The following ALMS1 variants were observed in gnomAD, a reference collection of about 807,000 sequenced individuals.
The protein encoded by ALMS1 is ALMS1 centrosome and basal body associated protein, also known as centrosome-associated protein ALMS1.
A neutral mutation model predicts 352.2 loss-of-function variants in ALMS1; 271 were observed. That is an observed-to-expected ratio of 0.77 (90% CI 0.70 to 0.85). The LOEUF (loss-of-function observed/expected upper bound fraction) is 0.85, where lower values mean the gene tolerates loss of function less well. ALMS1 is among the 40% of genes least tolerant of loss of function. ALMS1 has a pLI of 0.00. For synonymous variants in ALMS1, 1,865 were observed against 1,761.2 expected (o/e 1.06, Z -1.48); for missense variants, 5,445 against 4,870.7 (o/e 1.12, Z -3.51).
intron 11 of ALMS1, among the ~76,000 whole-genome samples, chr2:73,523,728 G>T (rs1030004448): frequency 6.6e-6 from 1 of 151,864 alleles, no homozygotes; most frequent in Non-Finnish European, 1.5e-5. Context: ...GATCGTGCCA[G>T]TGCACTCCAG....
chr2:73,529,363 T>G (rs531987188), intron 11 of ALMS1, among the ~76,000 whole-genome samples: 2 of 152,314 alleles, frequency 1.3e-5, no homozygotes, highest in African/African-American at 4.8e-5. Context: ...ATTTTTGAAT[T>G]CTTTGTCTGA....
intron 16 of ALMS1, among the ~76,000 whole-genome samples, chr2:73,581,752 CTTT>C (rs1338369570): frequency 1.4e-5 from 2 of 143,074 alleles, no homozygotes. Flanking sequence ...ATTATTTTTT[CTTT>C]TTTTTTTTTT....
chr2:73,441,373 G>C (rs1020826910), intron 7 of ALMS1, among the ~76,000 whole-genome samples: 8 of 152,164 alleles, frequency 5.3e-5, no homozygotes, highest in African/African-American at 1.9e-4. Context: ...GTCTTCTTTT[G>C]TTACTGGCTA....
At chr2:73,551,586 C>T (rs1218257858) in intron 13 of ALMS1, among the ~76,000 whole-genome samples, 2 of 151,818 alleles carry the variant, frequency 1.3e-5, no homozygotes, top group African/African-American at 2.4e-5. Context: ...AGGCACCCGC[C>T]TCCACACCCA....
chr2:73,606,071 C>T (rs1208975744), intron 21 of ALMS1, among the ~76,000 whole-genome samples: 1 of 152,076 alleles, frequency 6.6e-6, no homozygotes, highest in Admixed American at 6.6e-5. Context: ...TTCCATTAAA[C>T]CAGACATTAA....
chr2:73,508,180 T>A (rs1673375313), intron 10 of ALMS1, among the ~76,000 whole-genome samples: 1 of 149,896 alleles, frequency 6.7e-6, no homozygotes, highest in African/African-American at 2.5e-5. Context: ...TTCTTTTCTT[T>A]CCACCCTGCC....
intron 5 of ALMS1, among the ~76,000 whole-genome samples, chr2:73,426,018 T>C (rs1671371515): frequency 6.6e-6 from 1 of 152,228 alleles, no homozygotes; most frequent in African/African-American, 2.4e-5. Flanking sequence ...ATATAGGCAA[T>C]GAACCATTTC....
intron 9 of ALMS1, among the ~76,000 whole-genome samples, chr2:73,462,141 G>C (rs1289864711): frequency 1.3e-5 from 2 of 152,014 alleles, no homozygotes; most frequent in African/African-American, 4.8e-5. Context: ...GCAACTCCAA[G>C]ACACATTAAT....
At chr2:73,474,987 G>T (rs1342641974) in intron 9 of ALMS1, among the ~76,000 whole-genome samples, 1 of 152,102 alleles carries the variant, frequency 6.6e-6, no homozygotes. Flanking sequence ...TATATAAACA[G>T]AATTGTAATG....
Position 73,449,542 on chromosome 2 carries a change from T to TA in ALMS1, c.3016dup (p.Arg1006LysfsTer15), listed in dbSNP as rs878854998. On this transcript the variant is annotated frameshift_variant, in exon 8 of 23. Transcript: ENST00000613296. LOFTEE classifies it high-confidence loss of function. ...CAGTACCTTCAGGTTCCTTCTCACATAGAGAGAAGCCCAGTATTTTCTATC... is the reference window on the plus strand; with the variant it reads ...CAGTACCTTCAGGTTCCTTCTCACATAAGAGAGAAGCCCAGTATTTTCTATC... The TA allele has an allele frequency of 2.3e-5, 37 of 1,613,688 alleles. No homozygotes were observed. The highest frequency in any genetic ancestry group is 3.1e-5 in the Non-Finnish European group (37 of 1,179,868).
In ALMS1 at chr2:73,452,691, AT is replaced by A. The variant is rs1281013806; in HGVS notation, c.6165del (p.Asn2055LysfsTer18). On this transcript the variant is annotated frameshift_variant, in exon 8 of 23. Transcript: ENST00000613296. LOFTEE classifies it high-confidence loss of function. ...TCCTATTCTCAAACAGTAAAGCCCA[AT>A]ATTTTATTTCAACAGCAGTTGCCAG... ...HSSYSQTVKP[N>X]ILFQQQLPDR... 6.2e-7 allele frequency: 1 copy of A among 1,613,756 alleles called. No homozygotes were observed. Among genetic ancestry groups the A allele is most frequent in the African/African-American group, 1.3e-5 (1 of 74,920 alleles).
intron 15 of ALMS1, among the ~76,000 whole-genome samples, chr2:73,563,482 G>A (rs1008627092): frequency 6.6e-6 from 1 of 152,196 alleles, no homozygotes; most frequent in South Asian, 2.1e-4. Context: ...CAACACTTTG[G>A]GAGGCTGAGG....
At chr2:73,547,495 G>C (rs1201430344) in intron 12 of ALMS1, among the ~76,000 whole-genome samples, 3 of 152,104 alleles carry the variant, frequency 2.0e-5, no homozygotes, top group Non-Finnish European at 2.9e-5. Context: ...TGGATTGTAT[G>C]GCATTTAGTA....
chr2:73,591,872 A>G (rs181083438), intron 16 of ALMS1, among the ~76,000 whole-genome samples: 3 of 152,344 alleles, frequency 2.0e-5, no homozygotes, highest in African/African-American at 4.8e-5. Flanking sequence ...ACCCTCTACA[A>G]AATTGTATGA....
intron 17 of ALMS1, among the ~76,000 whole-genome samples, chr2:73,600,122 A>G (rs1317584061): frequency 6.6e-6 from 1 of 152,258 alleles, no homozygotes; most frequent in East Asian, 1.9e-4. Context: ...TTTTTTTAAT[A>G]AAAGAAAGAA....
chr2:73,439,345 C>A (rs573622994), intron 7 of ALMS1, among the ~76,000 whole-genome samples: 31 of 151,908 alleles, frequency 2.0e-4, no homozygotes, highest in Non-Finnish European at 3.8e-4. Flanking sequence ...CAGCTCCTGG[C>A]CTTTCAAAGC....
At chr2:73,602,887 T>G (rs1675730009) in intron 20 of ALMS1, among the ~76,000 whole-genome samples, 1 of 152,170 alleles carries the variant, frequency 6.6e-6, no homozygotes, top group African/African-American at 2.4e-5. Context: ...TGAACCCAGG[T>G]GTGCTCCTCT....
At chr2:73,412,542 C>G (rs1671099764) in intron 2 of ALMS1, among the ~76,000 whole-genome samples, 1 of 152,162 alleles carries the variant, frequency 6.6e-6, no homozygotes, top group African/African-American at 2.4e-5. Context: ...GTAATCCCAG[C>G]ACTTTGGGAG....
intron 10 of ALMS1, among the ~76,000 whole-genome samples, chr2:73,509,778 T>G (rs943019146): frequency 3.9e-5 from 6 of 152,238 alleles, no homozygotes; most frequent in African/African-American, 1.4e-4. Flanking sequence ...TGGTGTTCTC[T>G]GTATTTCTTG....
Sources: allele counts gnomAD v4.1 joint callset (sites outside exome capture counted in the v4.1 genomes callset), GRCh38; gene constraint gnomAD v4.1.1; transcripts MANE v1.5; gene names NCBI Gene and HGNC (gene_info 2026-07-23, HGNC 2026-07-21).